Variants in SMPD4 observed in about 807,000 individuals in gnomAD.
The protein encoded by SMPD4 is neutral sphingomyelinase 3.
A neutral mutation model predicts 97.8 loss-of-function variants in SMPD4; 58 were observed. The observed-to-expected ratio is 0.59, with a 90% CI of 0.48 to 0.74. The LOEUF is 0.74. Among genes scored for constraint, SMPD4 ranks in the 30% least tolerant of loss-of-function variants. The probability of loss-of-function intolerance (pLI) is 0.00; values close to 1 mark genes in which losing one functional copy is unlikely to be tolerated. For synonymous variants in SMPD4, 388 were observed against 450.0 expected (o/e 0.86, Z 1.74); for missense variants, 853 against 1,080.5 (o/e 0.79, Z 2.95).
intron 1 of SMPD4, among the ~76,000 whole-genome samples, chr2:130,178,291 G>A (rs377291229): frequency 1.7e-4 from 26 of 152,292 alleles, no homozygotes; most frequent in East Asian, 9.6e-4. Context: ...ATGACTGCAG[G>A]TCAGTACAGA....
At chr2:130,181,189 C>T (rs763049768) in intron 1 of SMPD4, 118 of 1,026,468 alleles carry the variant, frequency 1.1e-4, no homozygotes, top group Non-Finnish European at 1.4e-4. Context: ...GGACCCACAC[C>T]CGGCTCTTAC....
intron 8 of SMPD4, among the ~76,000 whole-genome samples, 157 bp downstream of exon 8, chr2:130,172,192 C>A (rs957261275): frequency 1.6e-4 from 25 of 152,238 alleles, no homozygotes; most frequent in Non-Finnish European, 4.4e-5. Context: ...ATACCCCACC[C>A]TCCAGTCTGT....
intron 8 of SMPD4, among the ~76,000 whole-genome samples, chr2:130,170,474 A>T (rs1168752280): frequency 1.3e-5 from 2 of 150,582 alleles, no homozygotes; most frequent in African/African-American, 4.9e-5. Context: ...AAAAAAAAAA[A>T]GCACACAATG....
At chr2:130,179,017 G>C (rs1344802632) in intron 1 of SMPD4, among the ~76,000 whole-genome samples, 1 of 152,140 alleles carries the variant, frequency 6.6e-6, no homozygotes, top group African/African-American at 2.4e-5. Context: ...GTCTGTGGAG[G>C]AAGAGAGGCT....
Position 130,156,675 on chromosome 2 carries a change from C to A in SMPD4, c.1098G>T (p.Arg366=). ...GCTGGACGAACCTCGGGACAGCAGC[C>A]CTGCAGGGGATGGGGAGGGTCACCT... ...HATSPLEEFK[R]AAVPRFVQQK... is the part of the protein sequence containing the mutation. The change falls in exon 13 of 20, where the codon CGG becomes CGT. Residue 366 remains arginine, a splice_region_variant and synonymous_variant. Transcript: ENST00000680298. The A allele has an allele frequency of 6.2e-7, 1 of 1,612,904 alleles. No individual in the cohort carries two copies. Among genetic ancestry groups the A allele is most frequent in the East Asian group, 2.2e-5 (1 of 44,810 alleles).
Position 130,173,339 on chromosome 2 carries a change from C to T in SMPD4, c.285G>A (p.Lys95=). ...CTTCAGCTTGAAGCTTATAAACCAACTTCATCATTGGGCCACTGAACACGA... is the reference window on the plus strand; with the variant it reads ...CTTCAGCTTGAAGCTTATAAACCAATTTCATCATTGGGCCACTGAACACGA... The part of the protein sequence containing the change: ...EFLDPGGPMM[K]LVYKLQAEDY... The change falls in exon 5 of 20, where the codon AAG becomes AAA. Residue 95 remains lysine, a synonymous_variant. Transcript: ENST00000680298. 6.2e-7 allele frequency: 1 copy of T among 1,612,720 alleles called. No individual in the cohort carries two copies. Among genetic ancestry groups the T allele is most frequent in the South Asian group, 1.1e-5 (1 of 90,668 alleles).
rs572503222 is a variant in SMPD4 at position 130,161,537 on chromosome 2, C to T, written c.865-265G>A. Reference sequence around the variant, plus strand: ...GCCAGGGCTGTGGCCACACTCTCCTCGCTTTGAAGGCCCGGGCAGAGGGGC... The same window carrying T: ...GCCAGGGCTGTGGCCACACTCTCCTTGCTTTGAAGGCCCGGGCAGAGGGGC... On this transcript the variant is annotated intron_variant, in intron 10 of 19. Transcript: ENST00000680298. 3.3e-5 allele frequency among the ~76,000 whole-genome samples: 5 copies of T among 152,298 alleles called. No homozygotes were observed. The East Asian group carries it at 9.7e-4, about 29-fold the overall frequency.
intron 9 of SMPD4, among the ~76,000 whole-genome samples, chr2:130,165,887 T>C (rs1399360635): frequency 6.6e-6 from 1 of 152,152 alleles, no homozygotes; most frequent in African/African-American, 2.4e-5. Flanking sequence ...AGTTTCAGTT[T>C]TGCAAGATGA....
chr2:130,163,003 G>A (rs1325905612), intron 10 of SMPD4, among the ~76,000 whole-genome samples: 1 of 152,210 alleles, frequency 6.6e-6, no homozygotes, highest in Non-Finnish European at 1.5e-5. Context: ...GGCCCGTGAG[G>A]ACACAGAATC....
At chr2:130,179,287 AT>A (rs1343778819) in intron 1 of SMPD4, among the ~76,000 whole-genome samples, 1 of 151,616 alleles carries the variant, frequency 6.6e-6, no homozygotes, top group African/African-American at 2.4e-5. Flanking sequence ...CACCCGGCTA[AT>A]TTTTTTGTAT....
At chr2:130,154,516 C>T in intron 15 of SMPD4, 34 bp from the exon 16 acceptor site, 1 of 1,551,280 alleles carries the variant, frequency 6.4e-7, no homozygotes, top group Non-Finnish European at 8.7e-7. Flanking sequence ...GCACCCACTT[C>T]CCGGAGGCAG....
chr2:130,164,555 T>A, intron 9 of SMPD4, 110 bp from the exon 10 acceptor site: 1 of 847,932 alleles, frequency 1.2e-6, no homozygotes, highest in Non-Finnish European at 1.9e-6. Context: ...AGAATACCCA[T>A]GTGCAGAACA....
intron 9 of SMPD4, among the ~76,000 whole-genome samples, chr2:130,166,854 C>T (rs1278729636): frequency 2.6e-5 from 4 of 152,242 alleles, no homozygotes; most frequent in African/African-American, 9.7e-5. Context: ...GCTGCACAGA[C>T]CCCTCACCAT....
intron 1 of SMPD4, among the ~76,000 whole-genome samples, chr2:130,179,492 T>C (rs1194935760): frequency 1.3e-5 from 2 of 152,084 alleles, no homozygotes; most frequent in African/African-American, 4.8e-5. Flanking sequence ...GTTCAAACGG[T>C]TCTCGTGCCT....
chr2:130,157,682 A>C lies in SMPD4; in HGVS notation c.952-286T>G. 5.9e-6 allele frequency: 3 copies of C among 505,002 alleles called. No individual in the cohort carries two copies. The South Asian group carries it at 6.9e-5, about 12-fold the overall frequency. The allele number at this position is 505,002 out of a possible 1,614,324, so 31.3% of individuals were successfully genotyped here. On this transcript the variant is annotated intron_variant, in intron 11 of 19. Transcript: ENST00000680298. ...CTCACTAAGACAGACACATCTGCAG[A>C]GGGCCTCCCAGCCCTGCTTCTGCAC...
chr2:130,157,155 G>A, intron 12 of SMPD4, 96 bp downstream of exon 12: 31 of 1,470,310 alleles, frequency 2.1e-5, no homozygotes, highest in Middle Eastern at 2.5e-4. Context: ...CCCTCACCCT[G>A]CCCTCCATGC....
At chr2:130,176,292 C>T (rs980624602) in intron 2 of SMPD4, among the ~76,000 whole-genome samples, 4 of 152,232 alleles carry the variant, frequency 2.6e-5, no homozygotes, top group African/African-American at 9.6e-5. Flanking sequence ...TGCTCTTCCT[C>T]CTCCTCACAC....
At position 130,152,277 on chromosome 2, in the gene SMPD4, C is replaced by T. The variant is rs894017003; in HGVS notation, c.*278G>A. Reference sequence around the variant, plus strand: ...AAAAGGCCCCGAGAGCTGGCTTGGCCGTGAGTCCTTGGCGGAGGGAGGGAA... The same window carrying T: ...AAAAGGCCCCGAGAGCTGGCTTGGCTGTGAGTCCTTGGCGGAGGGAGGGAA... On this transcript the variant is annotated 3_prime_UTR_variant, in exon 20 of 20. Coordinates refer to ENST00000680298, the MANE Select transcript of SMPD4 (RefSeq NM_017951.5). The T allele has an allele frequency of 2.1e-5, 8 of 376,434 alleles. No individual in the cohort carries two copies. The highest frequency in any genetic ancestry group is 8.2e-5 in the African/African-American group (4 of 48,694). 23.3% of individuals were successfully genotyped at this position (376,434 alleles called of 1,614,324 possible). A position where few individuals can be genotyped will look rare whatever the true frequency, so the allele number is the denominator to read the frequency against.
Position 130,154,408 on chromosome 2 carries a change from T to G in SMPD4, c.1528A>C (p.Thr510Pro). 1.3e-6 allele frequency: 2 copies of G among 1,599,522 alleles called. No individual in the cohort carries two copies. Among genetic ancestry groups the G allele is most frequent in the Non-Finnish European group, 1.7e-6 (2 of 1,172,666 alleles). Residue 510 changes from threonine (T) to proline (P), a missense_variant, in exon 16 of 20, where the codon ACT (threonine) becomes CCT (proline). Coordinates refer to ENST00000680298, the MANE Select transcript of SMPD4 (RefSeq NM_017951.5). ...QHRLFTAPTFTGSFLSPWPPA... is the reference protein window; with the variant it reads ...QHRLFTAPTFPGSFLSPWPPA... ...GGCCAGGGTGACAGGAAGCTCCCAG[T>G]GAATGTGGGGGCCGTGAAGAGTCGG...
Sources: allele counts gnomAD v4.1 joint callset (sites outside exome capture counted in the v4.1 genomes callset), GRCh38; gene constraint gnomAD v4.1.1; transcripts MANE v1.5; gene names NCBI Gene and HGNC (gene_info 2026-07-23, HGNC 2026-07-21).